Variants in NRG3 observed in about 807,000 individuals in gnomAD.
NRG3 encodes the protein pro-neuregulin-3, membrane-bound isoform.
A neutral mutation model predicts 66.9 loss-of-function variants in NRG3; 31 were observed. The observed-to-expected ratio is 0.46, with a 90% CI of 0.35 to 0.63. NRG3 has a LOEUF of 0.63. NRG3 is among the 20% of genes least tolerant of loss of function. The pLI is 0.00. For synonymous variants in NRG3, 393 were observed against 359.4 expected, an observed-to-expected ratio of 1.09 and a Z score of -1.06; for missense variants, 910 against 878.9, an observed-to-expected ratio of 1.04 and a Z score of -0.45.
At chr10:82,307,634 A>G (rs907926699) in intron 1 of NRG3, among the ~76,000 whole-genome samples, 2 of 152,158 alleles carry the variant, frequency 1.3e-5, no homozygotes, top group African/African-American at 4.8e-5. Flanking sequence ...AACATTTTCA[A>G]TTTTGAGTCA....
chr10:81,886,388 A>G (rs570163316), intron 1 of NRG3, among the ~76,000 whole-genome samples: 42 of 152,148 alleles, frequency 2.8e-4, no homozygotes, highest in Non-Finnish European at 5.0e-4. Flanking sequence ...TTTCTATTAA[A>G]ACGAAGTTCA....
chr10:82,174,149 T>C (rs1054002755), intron 1 of NRG3, among the ~76,000 whole-genome samples: 8 of 152,052 alleles, frequency 5.3e-5, no homozygotes, highest in Admixed American at 1.3e-4. Flanking sequence ...AACCAAAAAA[T>C]AACATAGAGT....
At chr10:82,200,623 A>G (rs1362393991) in intron 1 of NRG3, among the ~76,000 whole-genome samples, 1 of 152,136 alleles carries the variant, frequency 6.6e-6, no homozygotes, top group African/African-American at 2.4e-5. Flanking sequence ...CAACAAACCT[A>G]TGACGCAAGA....
rs185276220 is a variant in NRG3 at position 82,597,983 on chromosome 10, A to T, written c.954-140594A>T. Reference sequence around the variant, plus strand: ...CCGTGACCTTACAATGTACTTTATAATGCATGTACCTTGATGATAACATGT... The same window carrying T: ...CCGTGACCTTACAATGTACTTTATATTGCATGTACCTTGATGATAACATGT... On this transcript the variant is annotated intron_variant, in intron 2 of 8. Coordinates refer to ENST00000372141, the MANE Select transcript of NRG3 (RefSeq NM_001010848.4). Among the ~76,000 whole-genome samples, 262 of 152,034 alleles carry T rather than the reference A, an allele frequency of 1.7e-3. 2 individuals are homozygous for T. The highest frequency in any genetic ancestry group is 6.0e-3 in the African/African-American group (248 of 41,480).
intron 1 of NRG3, among the ~76,000 whole-genome samples, chr10:82,190,896 A>G (rs2074103212): frequency 6.6e-6 from 1 of 152,140 alleles, no homozygotes; most frequent in Non-Finnish European, 1.5e-5. Flanking sequence ...TGGCCCAGGC[A>G]TTACCCACAG....
intron 1 of NRG3, among the ~76,000 whole-genome samples, chr10:82,129,348 T>C (rs2068664580): frequency 6.6e-6 from 1 of 152,178 alleles, no homozygotes; most frequent in African/African-American, 2.4e-5. Flanking sequence ...CATGGTTAGT[T>C]TAAAGTTAGT....
At chr10:82,422,081 C>T (rs920841772) in intron 2 of NRG3, among the ~76,000 whole-genome samples, 2 of 152,038 alleles carry the variant, frequency 1.3e-5, no homozygotes, top group African/African-American at 4.8e-5. Flanking sequence ...TACAGAGGAG[C>T]TTCACCTTGG....
rs183137295 is a variant in NRG3, at chr10:82,912,066, A to T, written c.1055-39403A>T. 1.5e-4 allele frequency among the ~76,000 whole-genome samples: 23 copies of T among 152,150 alleles called. No individual in the cohort carries two copies. The East Asian group carries it at 2.5e-3, about 17-fold the overall frequency. On this transcript the variant is annotated intron_variant, in intron 4 of 8. Coordinates refer to ENST00000372141, the MANE Select transcript of NRG3 (RefSeq NM_001010848.4). Reference sequence around the variant, plus strand: ...ACTTTGTATGATTTATATAATTTTCATGTGTTAAGATATGTTTTGTGACCC... The same window carrying T: ...ACTTTGTATGATTTATATAATTTTCTTGTGTTAAGATATGTTTTGTGACCC...
At chr10:82,433,348 G>C (rs373981995) in intron 2 of NRG3, among the ~76,000 whole-genome samples, 52 of 152,124 alleles carry the variant, frequency 3.4e-4, no homozygotes, top group African/African-American at 1.2e-3. Context: ...TAAGTTCCTT[G>C]TAAATTCTGG....
chr10:82,864,457 A>G (rs2064318004), intron 3 of NRG3, among the ~76,000 whole-genome samples: 1 of 152,220 alleles, frequency 6.6e-6, no homozygotes, highest in African/African-American at 2.4e-5. Context: ...AAGCTCAGCA[A>G]TTAGTCTTGG....
At chr10:82,697,498 A>T (rs2055484723) in intron 2 of NRG3, among the ~76,000 whole-genome samples, 1 of 152,298 alleles carries the variant, frequency 6.6e-6, no homozygotes, top group Middle Eastern at 3.4e-3. Flanking sequence ...GGAGAGGATC[A>T]CACATATTCA....
At position 82,513,034 on chromosome 10, in the gene NRG3, G is replaced by A. The variant is rs540449611; in HGVS notation, c.953+154166G>A. On this transcript the variant is annotated intron_variant, in intron 2 of 8. Transcript: ENST00000372141. ...AGGTAAATGTGTGCCATGGTGGTTT[G>A]CTGCACCTATCAACCGGTCACCTAG... is the stretch of plus-strand genomic sequence containing the variant. Among the ~76,000 whole-genome samples the A allele has an allele frequency of 3.9e-5, 6 of 152,236 alleles. No homozygotes were observed. The East Asian group carries it at 9.7e-4, about 25-fold the overall frequency.
At chr10:82,706,101 C>CT (rs944991461) in intron 2 of NRG3, among the ~76,000 whole-genome samples, 33 of 151,856 alleles carry the variant, frequency 2.2e-4, no homozygotes, top group African/African-American at 4.8e-4. Flanking sequence ...CCTTTCTTTT[C>CT]TTTTTTTTAT....
In NRG3 at chr10:82,313,490, C is replaced by T. The variant is rs7897981; in HGVS notation, c.824-45249C>T. On this transcript the variant is annotated intron_variant, in intron 1 of 8. Coordinates refer to ENST00000372141, the MANE Select transcript of NRG3 (RefSeq NM_001010848.4). ...ATTAGTCCTATGCTTTAAGGCAGGG[C>T]TTGGCTTGTGCTGCCTGGACACCAA... Among the ~76,000 whole-genome samples, 1,404 of 152,236 alleles carry T rather than the reference C, an allele frequency of 9.2e-3. 21 individuals are homozygous for T. The highest frequency in any genetic ancestry group is 0.032 in the African/African-American group (1,335 of 41,528).
intron 2 of NRG3, among the ~76,000 whole-genome samples, chr10:82,699,306 A>AG (rs2055657594): frequency 6.8e-6 from 1 of 146,642 alleles, no homozygotes; most frequent in South Asian, 2.4e-4. Context: ...GGAGGGAGAC[A>AG]GGGAGGGAGG....
rs146531125 is a variant in NRG3, at chr10:81,922,183, G to A, written c.823+46020G>A. Among the ~76,000 whole-genome samples the A allele has an allele frequency of 2.0e-5, 3 of 152,086 alleles. No homozygotes were observed. The East Asian group carries it at 5.8e-4, about 29-fold the overall frequency. ...ATTTGTTAAAAAATTTTTTGACTTAGTTATATTAGGGGTTAAATTTAGAAT... is the reference window on the plus strand; with the variant it reads ...ATTTGTTAAAAAATTTTTTGACTTAATTATATTAGGGGTTAAATTTAGAAT... On this transcript the variant is annotated intron_variant, in intron 1 of 8. Transcript: ENST00000372141.
intron 1 of NRG3, among the ~76,000 whole-genome samples, chr10:82,141,186 T>C (rs1243078109): frequency 6.6e-6 from 1 of 152,106 alleles, no homozygotes; most frequent in Non-Finnish European, 1.5e-5. Context: ...TATCATAGGG[T>C]TATGTGTGTA....
chr10:82,563,282 A>G (rs1245049692), intron 2 of NRG3, among the ~76,000 whole-genome samples: 1 of 152,176 alleles, frequency 6.6e-6, no homozygotes, highest in Non-Finnish European at 1.5e-5. Flanking sequence ...AATTGGATGT[A>G]CATATGCGTG....
rs547075184 is a variant in NRG3, at chr10:82,748,754, C to T, written c.1027+10104C>T. 2.1e-4 allele frequency among the ~76,000 whole-genome samples: 31 copies of T among 150,570 alleles called. No homozygotes were observed. In the South Asian group the frequency reaches 6.5e-3, roughly 31 times the overall value. ...GTTGTAAGGTAGATTAAATCAATTC[C>T]CACTTTAATGTGTGGAAACTGAGAA... On this transcript the variant is annotated intron_variant, in intron 3 of 8. Transcript: ENST00000372141.
Sources: gnomAD v4.1 joint callset for allele counts (sites outside exome capture counted in the v4.1 genomes callset) on GRCh38, gnomAD v4.1.1 for gene constraint, MANE v1.5 for transcripts, NCBI Gene and HGNC (gene_info 2026-07-23, HGNC 2026-07-21) for gene names.